HFM1: variants seen among roughly 807,000 people sequenced by gnomAD.
HFM1 encodes probable ATP-dependent DNA helicase HFM1.
HFM1 carries 169 observed loss-of-function variants against 192.1 expected under a neutral mutation model. That is an observed-to-expected ratio of 0.88 (90% CI 0.78 to 1.00). HFM1 has a LOEUF of 1.00. HFM1 is among the 50% of genes least tolerant of loss of function. The pLI is 0.00. For missense variants in HFM1, 1,661 were observed against 1,668.0 expected, an observed-to-expected ratio of 1.00 and a Z score of 0.07; for synonymous variants, 525 against 537.8, an observed-to-expected ratio of 0.98 and a Z score of 0.33.
At chr1:91,265,725 T>C (rs1218837387) in intron 36 of HFM1, among the ~76,000 whole-genome samples, 1 of 152,208 alleles carries the variant, frequency 6.6e-6, no homozygotes, top group East Asian at 1.9e-4. Context: ...CCTATTCAGT[T>C]TTCAAGTCTT....
intron 6 of HFM1, among the ~76,000 whole-genome samples, chr1:91,381,547 TAAGA>T (rs1487197194): frequency 6.6e-6 from 1 of 152,180 alleles, no homozygotes; most frequent in African/African-American, 2.4e-5. Flanking sequence ...CCTTCCCCTG[TAAGA>T]AAGTTCAAAA....
At chr1:91,290,695 C>G (rs1242952409) in intron 30 of HFM1, among the ~76,000 whole-genome samples, 4 of 152,062 alleles carry the variant, frequency 2.6e-5, no homozygotes, top group Non-Finnish European at 5.9e-5. Flanking sequence ...TCTGCACCAA[C>G]CGGACCTAAT....
chr1:91,403,769 T>C (rs1297524478), intron 1 of HFM1, among the ~76,000 whole-genome samples: 1 of 152,188 alleles, frequency 6.6e-6, no homozygotes, highest in Non-Finnish European at 1.5e-5. Context: ...CCTTCTCTAG[T>C]TATATTAATG....
In HFM1 at chr1:91,353,050, C is replaced by T; in HGVS notation, c.1831+1G>A. ...ATCCACGAGAAATATGTTTTACTTACAAAGAACTGGTAAATCTCCAACAGT... is the reference window on the plus strand; with the variant it reads ...ATCCACGAGAAATATGTTTTACTTATAAAGAACTGGTAAATCTCCAACAGT... On this transcript the variant is annotated splice_donor_variant, in intron 15 of 38. Coordinates refer to ENST00000370425, the MANE Select transcript of HFM1 (RefSeq NM_001017975.6). LOFTEE classifies it high-confidence loss of function. 6.4e-7 allele frequency: 1 copy of T among 1,563,736 alleles called. No homozygotes were observed. The highest frequency in any genetic ancestry group is 8.8e-7 in the Non-Finnish European group (1 of 1,137,756).
chr1:91,344,690 CCTTAT>C (rs10568637), intron 19 of HFM1, among the ~76,000 whole-genome samples: 150,440 of 150,624 alleles, frequency 1, 75,128 homozygotes, highest in East Asian at 1. Flanking sequence ...TTTTACTAAA[CCTTAT>C]CTTTATTTCC....
chr1:91,295,335 C>T (rs1647354226), intron 30 of HFM1, among the ~76,000 whole-genome samples: 1 of 152,104 alleles, frequency 6.6e-6, no homozygotes, highest in African/African-American at 2.4e-5. Context: ...TTTATTGTTT[C>T]ACAATTCTAG....
At chr1:91,336,774 A>G (rs1654631770) in intron 20 of HFM1, among the ~76,000 whole-genome samples, 1 of 152,220 alleles carries the variant, frequency 6.6e-6, no homozygotes, top group East Asian at 1.9e-4. Context: ...GTAAAGATAC[A>G]TGCACACGTA....
At chr1:91,321,036 A>G (rs1652021986) in intron 23 of HFM1, among the ~76,000 whole-genome samples, 1 of 152,202 alleles carries the variant, frequency 6.6e-6, no homozygotes, top group Non-Finnish European at 1.5e-5. Context: ...TGGTGGCTCC[A>G]CATCATACCC....
chr1:91,285,337 T>C (rs987063373), intron 30 of HFM1, among the ~76,000 whole-genome samples: 2 of 152,186 alleles, frequency 1.3e-5, no homozygotes, highest in South Asian at 2.1e-4. Flanking sequence ...ATATACAAAA[T>C]TGAAACATTT....
intron 23 of HFM1, among the ~76,000 whole-genome samples, chr1:91,319,752 A>G (rs1294809262): frequency 6.6e-6 from 1 of 152,152 alleles, no homozygotes; most frequent in Non-Finnish European, 1.5e-5. Context: ...AATTATTTTC[A>G]TATTCTCCTC....
intron 3 of HFM1, 86 bp downstream of exon 3, chr1:91,396,207 G>A (rs898182377): frequency 9.3e-5 from 55 of 593,702 alleles, no homozygotes; most frequent in African/African-American, 6.4e-4. Flanking sequence ...TATACACAAC[G>A]TGTAACAATC....
chr1:91,291,491 G>A lies in HFM1; in HGVS notation c.3392-14429C>T, dbSNP rs1668748132. 1.3e-5 allele frequency among the ~76,000 whole-genome samples: 2 copies of A among 152,088 alleles called. 1 individual carries two copies. The highest frequency in any genetic ancestry group is 2.9e-5 in the Non-Finnish European group (2 of 68,028). The stretch of plus-strand genomic sequence containing the variant: ...TTCCTCGACACATACACTCTCCCAA[G>A]ACTAAACCAGGAAGAAGTTGAATCT... On this transcript the variant is annotated intron_variant, in intron 30 of 38. Coordinates refer to ENST00000370425, the MANE Select transcript of HFM1 (RefSeq NM_001017975.6).
At chr1:91,271,503 T>G (rs952718742) in intron 34 of HFM1, among the ~76,000 whole-genome samples, 5 of 152,042 alleles carry the variant, frequency 3.3e-5, no homozygotes, top group African/African-American at 9.7e-5. Context: ...AGGAAGAGAC[T>G]TCAGCATATT....
At chr1:91,291,812 T>G (rs1668795282) in intron 30 of HFM1, among the ~76,000 whole-genome samples, 1 of 152,152 alleles carries the variant, frequency 6.6e-6, no homozygotes, top group African/African-American at 2.4e-5. Context: ...AATAAAATAC[T>G]GGCAAACCGA....
chr1:91,362,870 C>G (rs539149500), intron 13 of HFM1, among the ~76,000 whole-genome samples: 2 of 151,990 alleles, frequency 1.3e-5, no homozygotes, highest in Non-Finnish European at 2.9e-5. Context: ...AGAAATAAGA[C>G]GACACACCTA....
At chr1:91,286,905 C>T (rs683873) in intron 30 of HFM1, among the ~76,000 whole-genome samples, 150,495 of 150,900 alleles carry the variant, frequency 1, 75,045 homozygotes, top group East Asian at 1. Context: ...TGACAGACGG[C>T]ACCTGGAAAA....
In HFM1 at chr1:91,280,701, C is replaced by T. The variant is rs145758396; in HGVS notation, c.3392-3639G>A. On this transcript the variant is annotated intron_variant, in intron 30 of 38. Coordinates refer to ENST00000370425, the MANE Select transcript of HFM1 (RefSeq NM_001017975.6). ...GCCCCTTTCAGATAAAACTGCTTAG[C>T]TGAAGCCTAGAGTTCACTTCTCAAA... Among the ~76,000 whole-genome samples the T allele has an allele frequency of 7.2e-4, 109 of 152,326 alleles. 1 individual carries two copies. The highest frequency in any genetic ancestry group is 2.5e-3 in the African/African-American group (104 of 41,572).
At chr1:91,384,936 G>C (rs887924721) in intron 6 of HFM1, among the ~76,000 whole-genome samples, 1 of 151,918 alleles carries the variant, frequency 6.6e-6, no homozygotes, top group Non-Finnish European at 1.5e-5. Flanking sequence ...GTAGAGACAA[G>C]GTTTCACCAT....
At chr1:91,372,043 A>T (rs1290674772) in intron 13 of HFM1, among the ~76,000 whole-genome samples, 3 of 152,220 alleles carry the variant, frequency 2.0e-5, no homozygotes, top group Non-Finnish European at 4.4e-5. Flanking sequence ...ATGAGATACC[A>T]TCTCACACCA....
Sources: allele counts gnomAD v4.1 joint callset (sites outside exome capture counted in the v4.1 genomes callset), GRCh38; gene constraint gnomAD v4.1.1; transcripts MANE v1.5; gene names NCBI Gene and HGNC (gene_info 2026-07-23, HGNC 2026-07-21).